The following TOX4 variants were observed in gnomAD, a reference collection of about 807,000 sequenced individuals.
TOX4 encodes the protein TOX high mobility group box family member 4.
A neutral mutation model predicts 61.0 loss-of-function variants in TOX4; 12 were observed. The observed-to-expected ratio is 0.20, with a 90% CI of 0.13 to 0.32. The LOEUF (loss-of-function observed/expected upper bound fraction) is 0.32, where lower values mean the gene tolerates loss of function less well. Among genes scored for constraint, TOX4 ranks in the 10% least tolerant of loss-of-function variants. TOX4 has a pLI of 1.00. For missense variants in TOX4, 499 were observed against 753.3 expected, an observed-to-expected ratio of 0.66 and a Z score of 3.95; for synonymous variants, 268 against 274.8, an observed-to-expected ratio of 0.98 and a Z score of 0.24.
In TOX4 at chr14:21,487,547, C is replaced by A. The variant is rs756277266; in HGVS notation, c.172C>A (p.His58Asn). ...PSLAVSDVVG[H>N]FDDLADPSSS... ...ATTGGCTGTCTCAGATGTGGTTGGC[C>A]ACTTTGATGACCTGGCAGACCCTTC... is the stretch of plus-strand genomic sequence containing the variant. The change falls in exon 3 of 9, where the codon CAC (histidine) becomes AAC (asparagine). Residue 58 changes from histidine to asparagine, a missense_variant. Physicochemically the swap from His to Asn is moderately conservative, Grantham distance 68. Around this residue, in one of 7 missense-constraint regions of TOX4, gnomAD observed 90 missense variants for 109.5 expected, o/e 0.82. Transcript: ENST00000448790. 11 of 1,614,164 alleles carry A rather than the reference C, an allele frequency of 6.8e-6. No individual in the cohort carries two copies. Among genetic ancestry groups the A allele is most frequent in the Non-Finnish European group, 9.3e-6 (11 of 1,180,020 alleles).
Position 21,477,222 on chromosome 14 carries a change from C to A in TOX4, c.-57C>A. On this transcript the variant is annotated 5_prime_UTR_variant, in exon 1 of 9. Transcript: ENST00000448790. ...TGCGGAAGTGACGGCAGTTCCGAGT[C>A]CAGTGGGGGCGGTGGGAGCGATGAG... 1 of 1,614,006 alleles carries A rather than the reference C, an allele frequency of 6.2e-7. No individual in the cohort carries two copies. The highest frequency in any genetic ancestry group is 8.5e-7 in the Non-Finnish European group (1 of 1,179,906).
chr14:21,498,946 ATG>A lies in TOX4; in HGVS notation c.*2343_*2344del, dbSNP rs1323426975. ...CTCATTTATGGACTAGTGTAAAACA[ATG>A]TGAAGCTCTACTAAGTTCTGTCCTT... On this transcript the variant is annotated 3_prime_UTR_variant, in exon 9 of 9. Transcript: ENST00000448790. The A allele has an allele frequency of 4.0e-5, 39 of 963,314 alleles. No individual in the cohort carries two copies. The highest frequency in any genetic ancestry group is 4.5e-5 in the Non-Finnish European group (27 of 599,018). The allele number at this position is 963,314 out of a possible 1,614,324, so 59.7% of individuals were successfully genotyped here.
At chr14:21,487,743 T>C (rs779170151) in intron 3 of TOX4, 50 bp downstream of exon 3, 1 of 1,554,094 alleles carries the variant, frequency 6.4e-7, no homozygotes. Context: ...GGCATGGCAT[T>C]AGGGGAGACA....
At position 21,496,650 on chromosome 14, in the gene TOX4, AG is replaced by A; in HGVS notation, c.*45del. 1 of 1,560,614 alleles carries A rather than the reference AG, an allele frequency of 6.4e-7. No homozygotes were observed. The highest frequency in any genetic ancestry group is 8.8e-7 in the Non-Finnish European group (1 of 1,135,412). On this transcript the variant is annotated 3_prime_UTR_variant, in exon 9 of 9. Coordinates refer to ENST00000448790, the MANE Select transcript of TOX4 (RefSeq NM_014828.4). ...CCAGTGAAGAGTTATCTGCTGGGAA[AG>A]TGTCCAAGAGCCTGTTTTTGAAACA...
At chr14:21,490,615 GAC>G (rs1891270751) in intron 5 of TOX4, among the ~76,000 whole-genome samples, 1 of 152,190 alleles carries the variant, frequency 6.6e-6, no homozygotes, top group African/African-American at 2.4e-5. Flanking sequence ...GTAAAGTTGA[GAC>G]ACAATCCAGG....
At chr14:21,491,646 A>G (rs1417699148) in intron 5 of TOX4, among the ~76,000 whole-genome samples, 1 of 145,602 alleles carries the variant, frequency 6.9e-6, no homozygotes, top group South Asian at 2.4e-4. Context: ...TACAGGCGTG[A>G]GCCACCGCAC....
rs1373759413 is a variant in TOX4 at position 21,485,702 on chromosome 14, T to TA, written c.76-1743dup. Among the ~76,000 whole-genome samples, 2 of 101,358 alleles carry TA rather than the reference T, an allele frequency of 2.0e-5. 1 individual carries two copies. The highest frequency in any genetic ancestry group is 4.3e-5 in the Non-Finnish European group (2 of 46,788). The allele number at this position is 101,358 out of a possible 152,430, so 66.5% of individuals were successfully genotyped here. On this transcript the variant is annotated intron_variant, in intron 2 of 8. Coordinates refer to ENST00000448790, the MANE Select transcript of TOX4 (RefSeq NM_014828.4). ...CAACATGGTGAAACCCCGTCTCTAT[T>TA]AAAAAACACAAAAATTAGCTGGGCG...
chr14:21,492,779 C>G lies in TOX4; in HGVS notation c.1163C>G (p.Thr388Ser). Residue 388 changes from threonine to serine, a missense_variant, in exon 7 of 9, where the codon ACT becomes AGT. Transcript: ENST00000448790. ...ACTATGTCTCAAGGAGGGATGGTTACTGTTATCCCAGCCACAGTGGTGACC... is the reference window on the plus strand; with the variant it reads ...ACTATGTCTCAAGGAGGGATGGTTAGTGTTATCCCAGCCACAGTGGTGACC... ...SITMSQGGMVTVIPATVVTSR... is the reference protein window; with the variant it reads ...SITMSQGGMVSVIPATVVTSR... The G allele has an allele frequency of 6.2e-7, 1 of 1,614,154 alleles. No individual in the cohort carries two copies. The highest frequency in any genetic ancestry group is 2.2e-5 in the East Asian group (1 of 44,878).
intron 7 of TOX4, among the ~76,000 whole-genome samples, chr14:21,494,704 C>T (rs1460089125): frequency 2.1e-5 from 3 of 145,076 alleles, no homozygotes; most frequent in South Asian, 2.2e-4. Flanking sequence ...GAGCTGAAAT[C>T]GCACCACTGC....
At chr14:21,487,845 A>G (rs1891215059) in intron 3 of TOX4, 152 bp downstream of exon 3, 1 of 830,668 alleles carries the variant, frequency 1.2e-6, no homozygotes, top group African/African-American at 1.8e-5. Flanking sequence ...TCACCTGAAT[A>G]AATGAAATTT....
In TOX4 at chr14:21,497,932, C is replaced by T. The variant is rs1891446626; in HGVS notation, c.*1326C>T. The T allele has an allele frequency of 4.5e-6, 1 of 224,010 alleles. No homozygotes were observed. Among genetic ancestry groups the T allele is most frequent in the Non-Finnish European group, 8.9e-6 (1 of 112,734 alleles). 13.9% of individuals were successfully genotyped at this position (224,010 alleles called of 1,614,324 possible). A position where few individuals can be genotyped will look rare whatever the true frequency, so the allele number is the denominator to read the frequency against. On this transcript the variant is annotated 3_prime_UTR_variant, in exon 9 of 9. Coordinates refer to ENST00000448790, the MANE Select transcript of TOX4 (RefSeq NM_014828.4). ...TCCTGGGCTACAGTTACCCTCCTAC[C>T]TCGGCTTCCCAAAGTGCTCGGATTA...
At position 21,493,181 on chromosome 14, in the gene TOX4, A is replaced by G. The variant is rs1366578337; in HGVS notation, c.1565A>G (p.Asn522Ser). Residue 522 changes from asparagine to serine, a missense_variant, in exon 7 of 9, where the codon AAC becomes AGC. This residue lies in a region of TOX4 where 296 missense variants were observed against 404.7 expected (regional missense o/e 0.73). Coordinates refer to ENST00000448790, the MANE Select transcript of TOX4 (RefSeq NM_014828.4). ...AGTAGTCCTGAGCGGCCTATGAACA[A>G]CAGCCCTGAGGCCCATACAGTGGAG... ...VESSPERPMN[N>S]SPEAHTVEAP... The G allele has an allele frequency of 2.5e-6, 4 of 1,614,158 alleles. No individual in the cohort carries two copies. The South Asian group carries it at 4.4e-5, about 18-fold the overall frequency.
At chr14:21,495,006 C>T (rs1384953957) in intron 7 of TOX4, among the ~76,000 whole-genome samples, 4 of 152,044 alleles carry the variant, frequency 2.6e-5, no homozygotes, top group African/African-American at 9.7e-5. Context: ...CACATGGCCA[C>T]CTTTCTCCTG....
chr14:21,477,522 G>A lies in TOX4; in HGVS notation c.33G>A (p.Leu11=), dbSNP rs1891016906. 1 of 1,613,712 alleles carries A rather than the reference G, an allele frequency of 6.2e-7. No homozygotes were observed. Among genetic ancestry groups the A allele is most frequent in the Non-Finnish European group, 8.5e-7 (1 of 1,180,050 alleles). MEFPGGNDNY[L]TITGPSHPFL... ...TTCCCGGAGGAAATGACAATTACCT[G>A]ACGATCACAGGGCCTTCGCACCCCT... The change falls in exon 2 of 9, where the codon CTG becomes CTA. Residue 11 remains leucine (L), a synonymous_variant. Coordinates refer to ENST00000448790, the MANE Select transcript of TOX4 (RefSeq NM_014828.4).
rs1891481749 is a variant in TOX4 at position 21,498,887 on chromosome 14, AT to A, written c.*2282del. 1.6e-6 allele frequency: 1 copy of A among 637,402 alleles called. No individual in the cohort carries two copies. Among genetic ancestry groups the A allele is most frequent in the Non-Finnish European group, 2.8e-6 (1 of 360,364 alleles). 39.5% of individuals were successfully genotyped at this position (637,402 alleles called of 1,614,324 possible). A position where few individuals can be genotyped will look rare whatever the true frequency, so the allele number is the denominator to read the frequency against. ...TGTAGAATCTCATAAAACAGTTTAA[AT>A]ACAAGCTTAAGTGGCTTATGAATCC... is the stretch of plus-strand genomic sequence containing the variant. On this transcript the variant is annotated 3_prime_UTR_variant, in exon 9 of 9. Transcript: ENST00000448790.
At chr14:21,493,311 T>C in intron 7 of TOX4, 54 bp downstream of exon 7, 1 of 1,531,718 alleles carries the variant, frequency 6.5e-7, no homozygotes, top group African/African-American at 1.4e-5. Flanking sequence ...AAAATGTTTT[T>C]GGTTGACCCA....
At chr14:21,486,170 CA>C (rs1235595776) in intron 2 of TOX4, among the ~76,000 whole-genome samples, 2 of 89,956 alleles carry the variant, frequency 2.2e-5, no homozygotes, top group African/African-American at 4.3e-5. Flanking sequence ...GACCCCATCT[CA>C]AAAAAAAAGA....
Position 21,488,637 on chromosome 14 carries a change from T to A in TOX4, c.366T>A (p.Val122=). The A allele has an allele frequency of 6.2e-7, 1 of 1,614,186 alleles. No individual in the cohort carries two copies. Among genetic ancestry groups the A allele is most frequent in the Non-Finnish European group, 8.5e-7 (1 of 1,180,018 alleles). ...CTCAGTATAGTGCCAACCCACCTGT[T>A]ACAATTGATGTACCAATGACAGACA... is the stretch of plus-strand genomic sequence containing the variant. ...IGTQYSANPP[V]TIDVPMTDMT... The change falls in exon 4 of 9, where the codon GTT becomes GTA. Residue 122 remains valine (V), a synonymous_variant. Coordinates refer to ENST00000448790, the MANE Select transcript of TOX4 (RefSeq NM_014828.4).
intron 2 of TOX4, among the ~76,000 whole-genome samples, chr14:21,484,217 C>T (rs939692810): frequency 3.3e-5 from 5 of 150,306 alleles, no homozygotes; most frequent in African/African-American, 1.2e-4. Context: ...GTACATATAT[C>T]TTTTTGTCTT....
Sources: allele counts gnomAD v4.1 joint callset (sites outside exome capture counted in the v4.1 genomes callset), GRCh38; gene constraint gnomAD v4.1.1; regional missense constraint gnomAD v4.1.1; transcripts MANE v1.5; gene names NCBI Gene and HGNC (gene_info 2026-07-23, HGNC 2026-07-21).